The following GSE1 variants were observed in gnomAD, a reference collection of about 807,000 sequenced individuals.
The protein encoded by GSE1 is genetic suppressor element 1.
In GSE1, 32 loss-of-function variants were observed where a neutral mutation model predicts 112.6. That is an observed-to-expected ratio of 0.28 (90% CI 0.21 to 0.38). The LOEUF is 0.38. Ranked by LOEUF, GSE1 falls within the 10% of genes least tolerant of loss-of-function variation. The pLI is 1.00. For missense variants in GSE1, 2,348 were observed against 1,699.2 expected (o/e 1.38, Z -6.71); for synonymous variants, 1,115 against 735.6 (o/e 1.52, Z -8.35).
chr16:85,488,804 C>T (rs1052691083), intron 2 of GSE1, among the ~76,000 whole-genome samples: 10 of 152,214 alleles, frequency 6.6e-5, no homozygotes, highest in African/African-American at 1.9e-4. Flanking sequence ...AGGGCCTCTT[C>T]GTCTGGGGAC....
intron 1 of GSE1, among the ~76,000 whole-genome samples, chr16:85,262,294 G>C (rs1431091436): frequency 6.6e-6 from 1 of 152,202 alleles, no homozygotes; most frequent in Non-Finnish European, 1.5e-5. Flanking sequence ...TAGTGGTTCT[G>C]CTTTGAACAT....
At chr16:85,442,980 C>T (rs1017793219) in intron 2 of GSE1, among the ~76,000 whole-genome samples, 15 of 152,180 alleles carry the variant, frequency 9.9e-5, no homozygotes, top group African/African-American at 3.6e-4. Flanking sequence ...CCCCTGGCTC[C>T]GTCCGCCCAT....
At chr16:85,545,868 C>T (rs960500654) in intron 2 of GSE1, among the ~76,000 whole-genome samples, 9 of 152,076 alleles carry the variant, frequency 5.9e-5, no homozygotes, top group Admixed American at 2.0e-4. Flanking sequence ...CTGCAAGCTC[C>T]GCCTCCCGGG....
intron 8 of GSE1, among the ~76,000 whole-genome samples, chr16:85,658,999 C>T (rs963566441): frequency 2.6e-5 from 4 of 152,246 alleles, no homozygotes; most frequent in African/African-American, 9.6e-5. Context: ...ACTTGGGGGC[C>T]TGACAGGGCC....
At chr16:85,304,603 G>GGGC (rs1555557430) in intron 1 of GSE1, among the ~76,000 whole-genome samples, 6 of 126,164 alleles carry the variant, frequency 4.8e-5, no homozygotes, top group Admixed American at 3.0e-4. Flanking sequence ...GCCGGGGGCG[G>GGGC]GGGGGTGGGG....
At chr16:85,404,765 G>A (rs1377773372) in intron 2 of GSE1, among the ~76,000 whole-genome samples, 1 of 33,280 alleles carries the variant, frequency 3.0e-5, no homozygotes, top group Admixed American at 3.6e-4. Flanking sequence ...GGGCCCCCCC[G>A]GATAATCCTC....
upstream of GSE1, among the ~76,000 whole-genome samples, chr16:85,609,119 A>G (rs1216967101): frequency 6.6e-6 from 1 of 152,206 alleles, no homozygotes; most frequent in African/African-American, 2.4e-5. Context: ...ATGCCCAGGC[A>G]GTGGTGGTGG....
chr16:85,182,012 G>A (rs1437724857), intron 1 of GSE1, among the ~76,000 whole-genome samples: 16 of 152,334 alleles, frequency 1.1e-4, no homozygotes, highest in Admixed American at 9.1e-4. Flanking sequence ...GTACCCAGGA[G>A]CCTCTGGACA....
chr16:85,497,251 A>T (rs905491161), intron 2 of GSE1, among the ~76,000 whole-genome samples: 14 of 152,084 alleles, frequency 9.2e-5, no homozygotes, highest in Non-Finnish European at 1.8e-4. Flanking sequence ...CTGAAGGCGG[A>T]GTGGGTGGGC....
intron 1 of GSE1, among the ~76,000 whole-genome samples, chr16:85,353,873 T>C (rs1005094515): frequency 3.3e-5 from 5 of 152,220 alleles, no homozygotes; most frequent in African/African-American, 1.2e-4. Context: ...CCTCCTGTCC[T>C]AGACCACGAG....
chr16:85,296,711 C>A (rs891380061), intron 1 of GSE1, among the ~76,000 whole-genome samples: 2 of 152,268 alleles, frequency 1.3e-5, no homozygotes, highest in Non-Finnish European at 2.9e-5. Context: ...TGGGCTAACG[C>A]TGACTGTGCA....
At chr16:85,306,774 G>A (rs1277108905) in intron 1 of GSE1, among the ~76,000 whole-genome samples, 8 of 152,230 alleles carry the variant, frequency 5.3e-5, no homozygotes, top group Non-Finnish European at 7.3e-5. Context: ...ATGGCCAAAC[G>A]GAGGCAGATT....
intron 2 of GSE1, among the ~76,000 whole-genome samples, chr16:85,637,760 C>T (rs2050124541): frequency 6.6e-6 from 1 of 150,978 alleles, no homozygotes; most frequent in African/African-American, 2.4e-5. Flanking sequence ...AAAGGGAGAC[C>T]GGGCCTCTGT....
chr16:85,320,123 C>T (rs1488499836), intron 1 of GSE1, among the ~76,000 whole-genome samples: 5 of 152,206 alleles, frequency 3.3e-5, no homozygotes, highest in East Asian at 1.9e-4. Flanking sequence ...GAGAAGCAGT[C>T]GGGGCCGGGG....
At chr16:85,198,706 C>T (rs2074974213) in intron 1 of GSE1, among the ~76,000 whole-genome samples, 1 of 152,192 alleles carries the variant, frequency 6.6e-6, no homozygotes, top group Non-Finnish European at 1.5e-5. Context: ...AGAGACCCCC[C>T]ACCCCGACCC....
chr16:85,663,229 C>G (rs1045870851), intron 10 of GSE1, 115 bp from the exon 11 acceptor site: 21 of 1,340,242 alleles, frequency 1.6e-5, no homozygotes, highest in Non-Finnish European at 2.0e-5. Context: ...TCTTCTCCCA[C>G]CAGGCGCAGC....
At chr16:85,488,092 G>A (rs2050900118) in intron 2 of GSE1, among the ~76,000 whole-genome samples, 1 of 152,164 alleles carries the variant, frequency 6.6e-6, no homozygotes, top group Non-Finnish European at 1.5e-5. Context: ...CTGTGACCTT[G>A]CAGGGCCATG....
rs555341919 is a variant in GSE1 at position 85,534,989 on chromosome 16, G to A, written c.2465-98925G>A. On this transcript the variant is annotated intron_variant, in intron 2 of 2. Transcript: ENST00000637419. ...CTTGGAGGCATGTGTGCACGGCATG[G>A]CAGCAGCTCCTTACACACCTGTTTC... Among the ~76,000 whole-genome samples the A allele has an allele frequency of 6.6e-5, 10 of 152,344 alleles. No individual in the cohort carries two copies. In the South Asian group the frequency reaches 2.1e-3, roughly 32 times the overall value.
intron 2 of GSE1, among the ~76,000 whole-genome samples, chr16:85,441,868 G>A (rs1075305): frequency 1.3e-5 from 2 of 152,116 alleles, no homozygotes; most frequent in Non-Finnish European, 1.5e-5. Flanking sequence ...TAGAACATCC[G>A]AGAGCCCATT....
Sources: gnomAD v4.1 joint callset for allele counts (sites outside exome capture counted in the v4.1 genomes callset) on GRCh38, gnomAD v4.1.1 for gene constraint, MANE v1.5 for transcripts, NCBI Gene and HGNC (gene_info 2026-07-23, HGNC 2026-07-21) for gene names.